The following ISY1 variants were observed in gnomAD, a reference collection of about 807,000 sequenced individuals.
The protein encoded by ISY1 is ISY1 spliceosome associated protein.
In ISY1, 12 loss-of-function variants were observed where a neutral mutation model predicts 54.4. The observed-to-expected ratio is 0.22, with a 90% CI of 0.14 to 0.36. The LOEUF (loss-of-function observed/expected upper bound fraction) is 0.36. Ranked by LOEUF, ISY1 falls within the 10% of genes least tolerant of loss-of-function variation. The pLI, the probability that ISY1 is intolerant of heterozygous loss-of-function variation, is 1.00. For missense variants in ISY1, 282 were observed against 342.2 expected, an observed-to-expected ratio of 0.82 and a Z score of 1.39; for synonymous variants, 96 against 117.9, an observed-to-expected ratio of 0.81 and a Z score of 1.20.
At chr3:129,154,167 C>G (rs1300636068) in intron 5 of ISY1, among the ~76,000 whole-genome samples, 5 of 148,264 alleles carry the variant, frequency 3.4e-5, no homozygotes, top group Non-Finnish European at 7.4e-5. Context: ...GCGTGAACCC[C>G]GGGGGGCGGA....
At chr3:129,149,172 C>T (rs1408828652) in intron 5 of ISY1, among the ~76,000 whole-genome samples, 1 of 151,836 alleles carries the variant, frequency 6.6e-6, no homozygotes, top group Non-Finnish European at 1.5e-5. Context: ...TGGCTCACAC[C>T]TGTAATCCCA....
chr3:129,140,463 T>G lies in ISY1; in HGVS notation c.323A>C (p.Asp108Ala), dbSNP rs748278799. The G allele has an allele frequency of 6.2e-7, 1 of 1,610,466 alleles. No homozygotes were observed. Among genetic ancestry groups the G allele is most frequent in the Admixed American group, 1.7e-5 (1 of 59,010 alleles). The part of the protein sequence containing the change: ...DYGKVGPKML[D>A]HEGKEVPGNR... ...TCCTGGGACTTCTTTTCCTTCATGATCCAGCATTTTAGGGCCAACTTTCTT... is the reference window on the plus strand; with the variant it reads ...TCCTGGGACTTCTTTTCCTTCATGAGCCAGCATTTTAGGGCCAACTTTCTT... The change falls in exon 7 of 11, where the codon GAT becomes GCT. Residue 108 changes from aspartate to alanine, a missense_variant. Physicochemically the swap from Asp to Ala is moderately radical, Grantham distance 126. Around this residue, in one of 2 missense-constraint regions of ISY1, gnomAD observed 279 missense variants for 323.6 expected, o/e 0.86. Transcript: ENST00000393295.
chr3:129,144,217 T>C, intron 6 of ISY1: 1 of 376,506 alleles, frequency 2.7e-6, no homozygotes, highest in Non-Finnish European at 5.2e-6. Context: ...CAGAGAAGAT[T>C]GGCATATAAA....
intron 2 of ISY1, among the ~76,000 whole-genome samples, chr3:129,158,876 G>A (rs954048151): frequency 6.6e-6 from 1 of 152,160 alleles, no homozygotes; most frequent in African/African-American, 2.4e-5. Flanking sequence ...ACATCATGGT[G>A]TGTTCCCTGG....
At chr3:129,151,501 T>C (rs905380184) in intron 5 of ISY1, among the ~76,000 whole-genome samples, 2 of 151,776 alleles carry the variant, frequency 1.3e-5, no homozygotes, top group African/African-American at 4.8e-5. Flanking sequence ...TGGTGGCACA[T>C]GCCTGTAGTC....
chr3:129,153,999 T>C (rs1432469498), intron 5 of ISY1, among the ~76,000 whole-genome samples: 7 of 151,058 alleles, frequency 4.6e-5, no homozygotes, highest in Non-Finnish European at 7.4e-5. Flanking sequence ...TCCCAGCACT[T>C]TGGGAGGCCG....
Position 129,161,021 on chromosome 3 carries a change from A to G in ISY1, c.-46T>C. ...CCTGGAGCCCCGCGGCCCCTGTCCA[A>G]GAAACTCCACAGGCCCAGAAGACGC... On this transcript the variant is annotated 5_prime_UTR_variant, in exon 1 of 11. Transcript: ENST00000393295. The G allele has an allele frequency of 6.6e-7, 1 of 1,509,890 alleles. No individual in the cohort carries two copies. Among genetic ancestry groups the G allele is most frequent in the Non-Finnish European group, 8.9e-7 (1 of 1,121,252 alleles). The allele number at this position is 1,509,890 out of a possible 1,614,324, so 93.5% of individuals were successfully genotyped here.
In ISY1 at chr3:129,134,119, C is replaced by G; in HGVS notation, c.618G>C (p.Glu206Asp). Residue 206 changes from glutamate to aspartate, a missense_variant, in exon 9 of 11, where the codon GAG becomes GAC. By Grantham distance (45) the Glu-to-Asp change is conservative. This residue lies in a region of ISY1 where 279 missense variants were observed against 323.6 expected (regional missense o/e 0.86). Transcript: ENST00000393295. ...RLARGEKEEE[E>D]EEEEEINIYA... Reference sequence around the variant, plus strand: ...AGATGTTGATCTCTTCCTCCTCTTCCTCCTCCTCTTCCTTTTCTCCTCTTG... The same window carrying G: ...AGATGTTGATCTCTTCCTCCTCTTCGTCCTCCTCTTCCTTTTCTCCTCTTG... 1 of 1,614,118 alleles carries G rather than the reference C, an allele frequency of 6.2e-7. No individual in the cohort carries two copies. The highest frequency in any genetic ancestry group is 8.5e-7 in the Non-Finnish European group (1 of 1,180,004).
rs534359239 is a variant in ISY1 at position 129,159,481 on chromosome 3, T to C, written c.4-305A>G. Among the ~76,000 whole-genome samples, 6 of 152,296 alleles carry C rather than the reference T, an allele frequency of 3.9e-5. No homozygotes were observed. In the East Asian group the frequency reaches 1.2e-3, roughly 29 times the overall value. The stretch of plus-strand genomic sequence containing the variant: ...CCCAGAACATTATTCTGTGACCCCT[T>C]CTTCCCAGTTAGGCTGGTGTCCTCT... On this transcript the variant is annotated intron_variant, in intron 1 of 10. Coordinates refer to ENST00000393295, the MANE Select transcript of ISY1 (RefSeq NM_020701.4).
At chr3:129,136,126 T>A (rs1490055692) in intron 7 of ISY1, among the ~76,000 whole-genome samples, 5 of 151,832 alleles carry the variant, frequency 3.3e-5, no homozygotes, top group Non-Finnish European at 7.4e-5. Context: ...TTTTTTGAGA[T>A]GGAATTTCGC....
chr3:129,130,452 G>A, intron 10 of ISY1, 98 bp downstream of exon 10: 2 of 1,460,218 alleles, frequency 1.4e-6, no homozygotes, highest in Non-Finnish European at 1.9e-6. Context: ...GAGCTGCCCT[G>A]ATGGGTAGGA....
At chr3:129,146,718 G>A (rs1476169136) in intron 5 of ISY1, among the ~76,000 whole-genome samples, 1 of 152,064 alleles carries the variant, frequency 6.6e-6, no homozygotes, top group African/African-American at 2.4e-5. Flanking sequence ...AAAAACGGGG[G>A]AATTTTATTA....
chr3:129,148,449 A>G (rs918533670), intron 5 of ISY1, among the ~76,000 whole-genome samples: 4 of 152,214 alleles, frequency 2.6e-5, no homozygotes, highest in Non-Finnish European at 5.9e-5. Flanking sequence ...AGCACTTGGC[A>G]TGGTCACTAT....
intron 3 of ISY1, among the ~76,000 whole-genome samples, chr3:129,157,385 T>C (rs1937173314): frequency 6.6e-6 from 1 of 152,152 alleles, no homozygotes; most frequent in Admixed American, 6.6e-5. Context: ...CTCCACATCA[T>C]ACTCCAGTCC....
intron 5 of ISY1, among the ~76,000 whole-genome samples, chr3:129,151,837 T>C (rs1936981328): frequency 2.0e-5 from 3 of 152,022 alleles, no homozygotes; most frequent in African/African-American, 7.3e-5. Flanking sequence ...CACCATTAAA[T>C]AGTTTATTGG....
Position 129,140,442 on chromosome 3 carries a change from G to A in ISY1, c.344C>T (p.Pro115Leu), listed in dbSNP as rs1936573311. ...AAAGTACTTGTAACCTCGGTTTCCT[G>A]GGACTTCTTTTCCTTCATGATCCAG... ...KMLDHEGKEV[P>L]GNRGYKYFGA... The change falls in exon 7 of 11, where the codon CCA becomes CTA. Residue 115 changes from proline to leucine, a missense_variant. Around this residue, in one of 2 missense-constraint regions of ISY1, gnomAD observed 279 missense variants for 323.6 expected, o/e 0.86. Coordinates refer to ENST00000393295, the MANE Select transcript of ISY1 (RefSeq NM_020701.4). 1 of 1,613,094 alleles carries A rather than the reference G, an allele frequency of 6.2e-7. No individual in the cohort carries two copies. The highest frequency in any genetic ancestry group is 1.7e-5 in the Admixed American group (1 of 59,788).
chr3:129,154,397 G>A (rs947612619), intron 5 of ISY1, among the ~76,000 whole-genome samples: 2 of 124,608 alleles, frequency 1.6e-5, no homozygotes, highest in South Asian at 2.8e-4. Context: ...CCGAGAACTC[G>A]CCACTGCACT....
intron 5 of ISY1, 84 bp downstream of exon 5, chr3:129,156,545 TATTG>T (rs1239526938): frequency 5.9e-6 from 8 of 1,345,658 alleles, no homozygotes; most frequent in Admixed American, 4.0e-5. Flanking sequence ...CTACTTGCTC[TATTG>T]ATTATTTTGA....
chr3:129,160,872 T>C (rs1277140343), intron 1 of ISY1, 101 bp downstream of exon 1: 2 of 1,430,164 alleles, frequency 1.4e-6, no homozygotes, highest in East Asian at 2.5e-5. Flanking sequence ...CCCTCAGCAC[T>C]GCACGTCTGA....
Sources: allele counts gnomAD v4.1 joint callset (sites outside exome capture counted in the v4.1 genomes callset), GRCh38; gene constraint gnomAD v4.1.1; regional missense constraint gnomAD v4.1.1; transcripts MANE v1.5; gene names NCBI Gene and HGNC (gene_info 2026-07-23, HGNC 2026-07-21).